LRMDA: variants seen among roughly 807,000 people sequenced by gnomAD.
LRMDA encodes leucine-rich melanocyte differentiation-associated protein.
Under a neutral mutation model 29.8 loss-of-function variants are expected in LRMDA, and 18 were observed. The observed-to-expected ratio is 0.60, with a 90% CI of 0.42 to 0.90. The LOEUF (loss-of-function observed/expected upper bound fraction) is 0.90, where lower values mean the gene tolerates loss of function less well. Among genes scored for constraint, LRMDA ranks in the 40% least tolerant of loss-of-function variants. The pLI is 0.00. For missense variants in LRMDA, 273 were observed against 273.9 expected, an observed-to-expected ratio of 1.00 and a Z score of 0.02; for synonymous variants, 125 against 109.4, an observed-to-expected ratio of 1.14 and a Z score of -0.89.
intron 5 of LRMDA, among the ~76,000 whole-genome samples, chr10:76,129,788 C>A (rs79856859): frequency 0.012 from 1,817 of 152,232 alleles, 43 homozygotes; most frequent in African/African-American, 0.041. Context: ...CACTGCCATG[C>A]CTTCCAATGG....
intron 2 of LRMDA, among the ~76,000 whole-genome samples, chr10:75,526,938 C>T (rs933390163): frequency 6.6e-6 from 1 of 151,948 alleles, no homozygotes; most frequent in Non-Finnish European, 1.5e-5. Flanking sequence ...GCATTTAAAG[C>T]AAACAGTGTT....
intron 2 of LRMDA, among the ~76,000 whole-genome samples, chr10:75,850,033 T>C (rs1358604021): frequency 1.3e-5 from 2 of 152,228 alleles, no homozygotes; most frequent in African/African-American, 2.4e-5. Context: ...TTAGACTTTA[T>C]TTTAGATCAT....
At chr10:75,618,171 C>T (rs1202913523) in intron 2 of LRMDA, among the ~76,000 whole-genome samples, 1 of 152,058 alleles carries the variant, frequency 6.6e-6, no homozygotes, top group Non-Finnish European at 1.5e-5. Context: ...TCTGTCCTGA[C>T]TCTAAGTTGG....
chr10:76,098,548 C>A (rs1849348591), intron 5 of LRMDA, among the ~76,000 whole-genome samples: 1 of 152,112 alleles, frequency 6.6e-6, no homozygotes, highest in South Asian at 2.1e-4. Flanking sequence ...TCTTTCATTG[C>A]TGATATTGAC....
intron 6 of LRMDA, among the ~76,000 whole-genome samples, chr10:76,468,819 C>A (rs900368035): frequency 6.6e-6 from 1 of 152,104 alleles, no homozygotes; most frequent in South Asian, 2.1e-4. Flanking sequence ...GTAACAAATT[C>A]CCTTTGCTCA....
intron 2 of LRMDA, among the ~76,000 whole-genome samples, chr10:76,029,927 G>A (rs367759682): frequency 5.0e-4 from 76 of 152,120 alleles, no homozygotes; most frequent in African/African-American, 1.7e-3. Flanking sequence ...ATGAGGTCTC[G>A]CTCTGTTGCC....
intron 2 of LRMDA, among the ~76,000 whole-genome samples, chr10:75,847,225 C>T (rs1844654083): frequency 6.6e-6 from 1 of 152,124 alleles, no homozygotes; most frequent in Non-Finnish European, 1.5e-5. Flanking sequence ...AAATGATTTT[C>T]AAAAAGAGTG....
chr10:76,372,266 C>A (rs2132459682), intron 6 of LRMDA, among the ~76,000 whole-genome samples: 1 of 152,262 alleles, frequency 6.6e-6, no homozygotes, highest in Middle Eastern at 3.4e-3. Flanking sequence ...TACCATAGCC[C>A]TGATACTTTT....
intron 5 of LRMDA, among the ~76,000 whole-genome samples, chr10:76,135,986 T>C (rs1231592222): frequency 1.3e-5 from 2 of 152,194 alleles, no homozygotes; most frequent in Non-Finnish European, 2.9e-5. Flanking sequence ...CCTTCAGTGC[T>C]TTATCTTGTA....
At chr10:76,144,710 C>T (rs573020547) in intron 5 of LRMDA, among the ~76,000 whole-genome samples, 2 of 152,222 alleles carry the variant, frequency 1.3e-5, no homozygotes, top group East Asian at 3.9e-4. Flanking sequence ...ATTGCCCTGG[C>T]CAGAACTTCC....
At chr10:75,437,778 G>C (rs1368870519) in intron 1 of LRMDA, among the ~76,000 whole-genome samples, 2 of 152,342 alleles carry the variant, frequency 1.3e-5, no homozygotes, top group Admixed American at 6.5e-5. Flanking sequence ...GGCCTCTGGA[G>C]GAGGGACATT....
At chr10:76,300,544 A>G (rs1300902103) in intron 5 of LRMDA, among the ~76,000 whole-genome samples, 1 of 152,222 alleles carries the variant, frequency 6.6e-6, no homozygotes, top group Non-Finnish European at 1.5e-5. Flanking sequence ...CATACTTCAC[A>G]TGTGAAAATC....
rs1247123298 is a variant in LRMDA, at chr10:76,394,248, G to A, written c.601+69763G>A. ...AATGTGGACACTAGAAGGCACAAAG[G>A]TCTGGGCTATTGGGATTCCAGTCCA... On this transcript the variant is annotated intron_variant, in intron 6 of 6. Coordinates refer to ENST00000611255, the MANE Select transcript of LRMDA (RefSeq NM_001305581.2). Among the ~76,000 whole-genome samples the A allele has an allele frequency of 2.6e-5, 4 of 152,152 alleles. No homozygotes were observed. The East Asian group carries it at 7.7e-4, about 29-fold the overall frequency.
chr10:76,047,507 T>C (rs73281531), intron 4 of LRMDA, among the ~76,000 whole-genome samples: 3,082 of 152,336 alleles, frequency 0.02, 118 homozygotes, highest in African/African-American at 0.07. Flanking sequence ...TGAAAAGTTA[T>C]TGCCTTTTCT....
intron 2 of LRMDA, among the ~76,000 whole-genome samples, chr10:75,749,020 T>C (rs1311958555): frequency 6.6e-6 from 1 of 152,168 alleles, no homozygotes; most frequent in Non-Finnish European, 1.5e-5. Context: ...TGGATCCACT[T>C]ATATGTGGAT....
At chr10:75,910,411 T>A (rs1028644939) in intron 2 of LRMDA, among the ~76,000 whole-genome samples, 1 of 152,196 alleles carries the variant, frequency 6.6e-6, no homozygotes, top group Non-Finnish European at 1.5e-5. Context: ...TAAAAATGTC[T>A]AGGGAAAAAT....
At chr10:76,140,272 A>G (rs1421885648) in intron 5 of LRMDA, among the ~76,000 whole-genome samples, 1 of 152,174 alleles carries the variant, frequency 6.6e-6, no homozygotes, top group Non-Finnish European at 1.5e-5. Flanking sequence ...TTCTGTCTGT[A>G]CCAAGAAAAG....
chr10:75,758,541 A>G (rs1255053655), intron 2 of LRMDA, among the ~76,000 whole-genome samples: 2 of 152,170 alleles, frequency 1.3e-5, no homozygotes, highest in African/African-American at 4.8e-5. Flanking sequence ...CAGTGAGGCA[A>G]ATGCTAGGCT....
chr10:75,507,231 A>G (rs565059360), intron 2 of LRMDA, among the ~76,000 whole-genome samples: 2 of 151,946 alleles, frequency 1.3e-5, no homozygotes, highest in South Asian at 4.2e-4. Flanking sequence ...CACTGCTTGG[A>G]GAAAGATGGC....
Sources: allele counts gnomAD v4.1 joint callset (sites outside exome capture counted in the v4.1 genomes callset), GRCh38; gene constraint gnomAD v4.1.1; transcripts MANE v1.5; gene names NCBI Gene and HGNC (gene_info 2026-07-23, HGNC 2026-07-21).